Variants in FBXL7 observed in about 807,000 individuals in gnomAD.
The protein encoded by FBXL7 is F-box and leucine rich repeat protein 7, also known as F-box/LRR-repeat protein 7.
FBXL7 carries 12 observed loss-of-function variants against 38.3 expected under a neutral mutation model. The ratio of observed to expected loss-of-function variants is 0.31; its 90% CI spans 0.20 to 0.51. The LOEUF is 0.51. Among genes scored for constraint, FBXL7 ranks in the 20% least tolerant of loss-of-function variants. The probability of loss-of-function intolerance (pLI) is 0.98; values close to 1 mark genes in which losing one functional copy is unlikely to be tolerated. For missense variants in FBXL7, 567 were observed against 676.4 expected (o/e 0.84, Z 1.79); for synonymous variants, 297 against 300.9 (o/e 0.99, Z 0.13).
chr5:15,859,527 G>A (rs1442462084), intron 2 of FBXL7, among the ~76,000 whole-genome samples: 1 of 152,180 alleles, frequency 6.6e-6, no homozygotes, highest in South Asian at 2.1e-4. Flanking sequence ...AGTTCCACGT[G>A]GCTCGGGAAG....
rs1261094894 is a variant in FBXL7 at position 15,937,352 on chromosome 5, G to A, written c.*166G>A. On this transcript the variant is annotated 3_prime_UTR_variant, in exon 4 of 4. Coordinates refer to ENST00000504595, the MANE Select transcript of FBXL7 (RefSeq NM_012304.5). ...TTCCTCATTTCTCATGGGCAACAGA[G>A]GCCAAAGAAACGAAGCAAGACAAAC... 2 of 877,626 alleles carry A rather than the reference G, an allele frequency of 2.3e-6. No individual in the cohort carries two copies. The highest frequency in any genetic ancestry group is 3.9e-5 in the South Asian group (2 of 51,780). 54.4% of individuals were successfully genotyped at this position (877,626 alleles called of 1,614,324 possible). A position where few individuals can be genotyped will look rare whatever the true frequency, so the allele number is the denominator to read the frequency against.
intron 2 of FBXL7, among the ~76,000 whole-genome samples, chr5:15,770,166 G>A (rs1736691583): frequency 6.6e-6 from 1 of 152,292 alleles, no homozygotes; most frequent in South Asian, 2.1e-4. Context: ...GTGCCAGGCT[G>A]CAGCTAACTC....
intron 1 of FBXL7, among the ~76,000 whole-genome samples, chr5:15,610,708 G>C (rs1320753953): frequency 6.6e-6 from 1 of 152,070 alleles, no homozygotes; most frequent in Non-Finnish European, 1.5e-5. Context: ...AGATTTGTTG[G>C]TTATTTCCTA....
At chr5:15,755,628 C>G (rs1043528484) in intron 2 of FBXL7, among the ~76,000 whole-genome samples, 2 of 152,130 alleles carry the variant, frequency 1.3e-5, no homozygotes, top group African/African-American at 4.8e-5. Flanking sequence ...GTAATTTAAC[C>G]GAAAACAGTT....
intron 1 of FBXL7, among the ~76,000 whole-genome samples, chr5:15,543,006 A>G (rs1427591731): frequency 1.3e-5 from 2 of 152,200 alleles, no homozygotes; most frequent in African/African-American, 4.8e-5. Context: ...GTTCCTGAGC[A>G]GTGAAGTTAC....
At chr5:15,722,374 A>G (rs566519279) in intron 2 of FBXL7, among the ~76,000 whole-genome samples, 2 of 152,302 alleles carry the variant, frequency 1.3e-5, no homozygotes, top group South Asian at 2.1e-4. Context: ...TTGCACGTAT[A>G]TACCTGGACA....
At chr5:15,781,845 A>G (rs1436441734) in intron 2 of FBXL7, among the ~76,000 whole-genome samples, 1 of 152,050 alleles carries the variant, frequency 6.6e-6, no homozygotes, top group Admixed American at 6.6e-5. Context: ...TTTAAAAAAT[A>G]TATACTTTAA....
Position 15,592,552 on chromosome 5 carries a change from T to G in FBXL7, c.38-23431T>G, listed in dbSNP as rs370784802. ...CTGACACCTACACTATTTTGCAGTTTAAGTTCAGGCTTTCCATTTTAAATG... is the reference window on the plus strand; with the variant it reads ...CTGACACCTACACTATTTTGCAGTTGAAGTTCAGGCTTTCCATTTTAAATG... On this transcript the variant is annotated intron_variant, in intron 1 of 3. Transcript: ENST00000504595. Among the ~76,000 whole-genome samples, 425 of 152,320 alleles carry G rather than the reference T, an allele frequency of 2.8e-3. 2 individuals are homozygous for G. Among genetic ancestry groups the G allele is most frequent in the African/African-American group, 9.7e-3 (402 of 41,558 alleles).
At chr5:15,648,236 T>C (rs1741595914) in intron 2 of FBXL7, among the ~76,000 whole-genome samples, 1 of 152,208 alleles carries the variant, frequency 6.6e-6, no homozygotes, top group Non-Finnish European at 1.5e-5. Context: ...CTAAATTTAT[T>C]AGTTTCGTGG....
intron 2 of FBXL7, among the ~76,000 whole-genome samples, chr5:15,741,819 G>A (rs542816569): frequency 3.3e-4 from 50 of 151,352 alleles, no homozygotes; most frequent in East Asian, 2.7e-3. Flanking sequence ...TTTTTCCTCC[G>A]AAGAAACCAG....
intron 2 of FBXL7, 120 bp from the exon 3 acceptor site, chr5:15,927,764 TAAAAAA>T (rs753935096): frequency 0.012 from 5,386 of 455,626 alleles, 7 homozygotes; most frequent in Non-Finnish European, 0.014. Context: ...GACAAGATCT[TAAAAAA>T]AAAAAAAAAA....
chr5:15,715,112 G>A (rs1047359180), intron 2 of FBXL7, among the ~76,000 whole-genome samples: 1 of 152,148 alleles, frequency 6.6e-6, no homozygotes, highest in African/African-American at 2.4e-5. Context: ...GTTGTTTTAA[G>A]TTATGTAATT....
chr5:15,848,071 A>G (rs1738967986), intron 2 of FBXL7, among the ~76,000 whole-genome samples: 1 of 152,220 alleles, frequency 6.6e-6, no homozygotes, highest in East Asian at 1.9e-4. Flanking sequence ...AGCTTTGTTT[A>G]AAGCCGTTGA....
At chr5:15,624,619 A>G (rs968387509) in intron 2 of FBXL7, among the ~76,000 whole-genome samples, 1 of 152,254 alleles carries the variant, frequency 6.6e-6, no homozygotes, top group Non-Finnish European at 1.5e-5. Flanking sequence ...TAGAAAATGT[A>G]GCATTCCTAC....
Position 15,854,285 on chromosome 5 carries a change from C to T in FBXL7, c.128-73605C>T, listed in dbSNP as rs73752328. On this transcript the variant is annotated intron_variant, in intron 2 of 3. Transcript: ENST00000504595. Reference sequence around the variant, plus strand: ...TTTTTTCCTCATAAGTGTGTACATACGGTAATTGACTATAATTAATAGGTC... The same window carrying T: ...TTTTTTCCTCATAAGTGTGTACATATGGTAATTGACTATAATTAATAGGTC... 6.1e-3 allele frequency among the ~76,000 whole-genome samples: 924 copies of T among 151,992 alleles called. 17 individuals carry two copies. The highest frequency in any genetic ancestry group is 0.021 in the African/African-American group (873 of 41,418).
intron 1 of FBXL7, among the ~76,000 whole-genome samples, chr5:15,523,042 G>GGACACTGGCTACATTCTCCAC (rs1175676780): frequency 6.6e-6 from 1 of 152,120 alleles, no homozygotes; most frequent in Admixed American, 6.5e-5. Flanking sequence ...GCATTCTCCA[G>GGACACTGGCTACATTCTCCAC]GACACTGGCT....
chr5:15,915,439 G>A (rs144858086), intron 2 of FBXL7, among the ~76,000 whole-genome samples: 61 of 152,278 alleles, frequency 4.0e-4, no homozygotes, highest in African/African-American at 6.7e-4. Flanking sequence ...TTCGGCCTCC[G>A]TCTTCACAGT....
At chr5:15,785,484 G>A (rs1737109690) in intron 2 of FBXL7, among the ~76,000 whole-genome samples, 1 of 152,176 alleles carries the variant, frequency 6.6e-6, no homozygotes, top group African/African-American at 2.4e-5. Flanking sequence ...ACTTTGAAGT[G>A]TTTTATACAC....
At chr5:15,656,711 A>T (rs1447035905) in intron 2 of FBXL7, among the ~76,000 whole-genome samples, 1 of 152,144 alleles carries the variant, frequency 6.6e-6, no homozygotes, top group Admixed American at 6.6e-5. Flanking sequence ...TATAATAAAG[A>T]CAAAAGGGAA....
Sources: gnomAD v4.1 joint callset for allele counts (sites outside exome capture counted in the v4.1 genomes callset) on GRCh38, gnomAD v4.1.1 for gene constraint, MANE v1.5 for transcripts, NCBI Gene and HGNC (gene_info 2026-07-23, HGNC 2026-07-21) for gene names.